The following DLGAP2 variants were observed in gnomAD, a reference collection of about 807,000 sequenced individuals.
DLGAP2 encodes DLG associated protein 2, also known as disks large-associated protein 2.
Under a neutral mutation model 100.3 loss-of-function variants are expected in DLGAP2, and 26 were observed. That is an observed-to-expected ratio of 0.26 (90% confidence interval 0.19 to 0.36). The LOEUF (loss-of-function observed/expected upper bound fraction) is 0.36. Ranked by LOEUF, DLGAP2 falls within the 10% of genes least tolerant of loss-of-function variation. The pLI, the probability that DLGAP2 is intolerant of heterozygous loss-of-function variation, is 1.00. For synonymous variants in DLGAP2, 886 were observed against 630.1 expected, an observed-to-expected ratio of 1.41 and a Z score of -6.08; for missense variants, 1,858 against 1,453.2, an observed-to-expected ratio of 1.28 and a Z score of -4.53.
intron 3 of DLGAP2, among the ~76,000 whole-genome samples, chr8:1,446,513 A>T (rs1731954613): frequency 1.3e-5 from 2 of 152,170 alleles, no homozygotes; most frequent in Admixed American, 1.3e-4. Flanking sequence ...TATAGTTTGA[A>T]GTCAGGTAGT....
intron 3 of DLGAP2, among the ~76,000 whole-genome samples, chr8:1,391,874 C>G (rs1376580036): frequency 6.6e-6 from 1 of 152,222 alleles, no homozygotes; most frequent in Non-Finnish European, 1.5e-5. Context: ...GTGTCTTCCC[C>G]TCCTGAACGC....
chr8:856,050 C>A (rs1206855555), intron 1 of DLGAP2, among the ~76,000 whole-genome samples: 1 of 151,808 alleles, frequency 6.6e-6, no homozygotes, highest in African/African-American at 2.4e-5. Context: ...CCAGCTAATG[C>A]AATAAGACAA....
At chr8:1,460,244 A>G (rs754178423) in intron 3 of DLGAP2, among the ~76,000 whole-genome samples, 3 of 152,212 alleles carry the variant, frequency 2.0e-5, no homozygotes, top group Non-Finnish European at 2.9e-5. Context: ...CTCCAATACA[A>G]CAGAGCCATG....
chr8:1,044,050 G>A (rs1376295650), intron 2 of DLGAP2, among the ~76,000 whole-genome samples: 1 of 152,102 alleles, frequency 6.6e-6, no homozygotes, highest in Non-Finnish European at 1.5e-5. Context: ...TGACTGCCCT[G>A]CCACGCCACG....
chr8:777,846 G>C (rs1306450051), intron 1 of DLGAP2, among the ~76,000 whole-genome samples: 1 of 151,978 alleles, frequency 6.6e-6, no homozygotes, highest in South Asian at 2.1e-4. Context: ...TGCTCTTCTC[G>C]AGGAGTATCT....
rs189395278 is a variant in DLGAP2 at position 1,441,106 on chromosome 8, A to G, written c.107-60260A>G. ...TGTTCGAAACATAATCCCAGAATAA[A>G]AAGCTCCAAGAAATGCAGTTTTGAG... On this transcript the variant is annotated intron_variant, in intron 3 of 14. Coordinates refer to ENST00000637795, the MANE Select transcript of DLGAP2 (RefSeq NM_001346810.2). Among the ~76,000 whole-genome samples the G allele has an allele frequency of 1.3e-3, 201 of 152,302 alleles. 1 individual carries two copies. The highest frequency in any genetic ancestry group is 4.6e-3 in the African/African-American group (191 of 41,570).
chr8:1,418,750 G>A (rs565224565), intron 3 of DLGAP2, among the ~76,000 whole-genome samples: 139 of 152,220 alleles, frequency 9.1e-4, no homozygotes, highest in Non-Finnish European at 1.5e-3. Flanking sequence ...CCAACTGGGC[G>A]TCCTCTAATT....
chr8:1,126,981 C>T (rs1285084072), intron 2 of DLGAP2, among the ~76,000 whole-genome samples: 2 of 151,292 alleles, frequency 1.3e-5, no homozygotes, highest in Non-Finnish European at 2.9e-5. Flanking sequence ...TTAAACTGTC[C>T]TTCTGCTTGT....
At chr8:1,420,420 C>T (rs1165080676) in intron 3 of DLGAP2, among the ~76,000 whole-genome samples, 1 of 152,176 alleles carries the variant, frequency 6.6e-6, no homozygotes, top group Non-Finnish European at 1.5e-5. Context: ...ATTCTCTCTT[C>T]CACTCTACGC....
At chr8:1,538,404 T>A (rs988898109) in intron 4 of DLGAP2, among the ~76,000 whole-genome samples, 7 of 152,118 alleles carry the variant, frequency 4.6e-5, no homozygotes, top group Admixed American at 3.9e-4. Flanking sequence ...AACACAGAAT[T>A]CCCTGAGCAC....
Position 1,598,400 on chromosome 8 carries a change from C to T in DLGAP2, c.1443-28340C>T, listed in dbSNP as rs1033429254. ...TCATAAAATGAGTTAGAGAGGAGTC[C>T]GTCTTTTTCTATTGTTTGGAATAAT... On this transcript the variant is annotated intron_variant, in intron 6 of 14. Coordinates refer to ENST00000637795, the MANE Select transcript of DLGAP2 (RefSeq NM_001346810.2). Among the ~76,000 whole-genome samples, 6 of 152,220 alleles carry T rather than the reference C, an allele frequency of 3.9e-5. No individual in the cohort carries two copies. The East Asian group carries it at 5.8e-4, about 15-fold the overall frequency.
intron 5 of DLGAP2, among the ~76,000 whole-genome samples, chr8:1,557,017 G>T (rs2956895): frequency 2.7e-5 from 4 of 150,830 alleles, no homozygotes; most frequent in Admixed American, 2.0e-4. Context: ...TGCACCCAGC[G>T]TTTCTCAAGC....
intron 6 of DLGAP2, among the ~76,000 whole-genome samples, chr8:1,581,773 A>T (rs1018645980): frequency 6.6e-6 from 1 of 151,672 alleles, no homozygotes; most frequent in Non-Finnish European, 1.5e-5. Context: ...TCAAACTACC[A>T]CAAGTGAACG....
intron 3 of DLGAP2, among the ~76,000 whole-genome samples, chr8:1,342,473 C>T (rs11782106): frequency 0.025 from 3,855 of 152,036 alleles, 68 homozygotes; most frequent in Middle Eastern, 0.068. Context: ...CACAGTTCAG[C>T]TAACTTTTTC....
intron 2 of DLGAP2, among the ~76,000 whole-genome samples, chr8:1,161,560 A>C (rs1796889807): frequency 6.6e-6 from 1 of 152,220 alleles, no homozygotes; most frequent in African/African-American, 2.4e-5. Flanking sequence ...CATTTCAGGT[A>C]GAAAATCGGC....
intron 2 of DLGAP2, among the ~76,000 whole-genome samples, chr8:1,152,826 C>T (rs1036652255): frequency 6.6e-6 from 1 of 152,078 alleles, no homozygotes; most frequent in Non-Finnish European, 1.5e-5. Context: ...TGGCTCTGTG[C>T]AAAAAATGCT....
intron 1 of DLGAP2, among the ~76,000 whole-genome samples, chr8:799,539 T>C (rs1168224237): frequency 6.6e-6 from 1 of 152,210 alleles, no homozygotes; most frequent in Non-Finnish European, 1.5e-5. Flanking sequence ...GTCCACATTA[T>C]GACAATGCAT....
At chr8:917,363 C>G (rs1444389145) in intron 2 of DLGAP2, among the ~76,000 whole-genome samples, 1 of 151,824 alleles carries the variant, frequency 6.6e-6, no homozygotes, top group Non-Finnish European at 1.5e-5. Flanking sequence ...CTCAGCCCCT[C>G]AAGTAGCTGA....
intron 3 of DLGAP2, among the ~76,000 whole-genome samples, chr8:1,333,925 G>A (rs563692646): frequency 1.6e-4 from 24 of 152,362 alleles, no homozygotes; most frequent in Middle Eastern, 3.4e-3. Context: ...CTCAGCCCTG[G>A]GCTGCTGAAG....
Sources: gnomAD v4.1 joint callset for allele counts (sites outside exome capture counted in the v4.1 genomes callset) on GRCh38, gnomAD v4.1.1 for gene constraint, MANE v1.5 for transcripts, NCBI Gene and HGNC (gene_info 2026-07-23, HGNC 2026-07-21) for gene names.